The following TTLL11 variants were observed in gnomAD, a reference collection of about 807,000 sequenced individuals.
The protein encoded by TTLL11 is tubulin tyrosine ligase like 11, also known as tubulin polyglutamylase TTLL11.
Under a neutral mutation model 51.7 loss-of-function variants are expected in TTLL11, and 42 were observed. That is an observed-to-expected ratio of 0.81 (90% CI 0.64 to 1.05). The LOEUF is 1.05. TTLL11 is among the 50% of genes least tolerant of loss of function. The probability of loss-of-function intolerance (pLI) is 0.00; values close to 1 mark genes in which losing one functional copy is unlikely to be tolerated. For missense variants in TTLL11, 799 were observed against 940.4 expected, an observed-to-expected ratio of 0.85 and a Z score of 1.97; for synonymous variants, 381 against 383.5, an observed-to-expected ratio of 0.99 and a Z score of 0.08.
chr9:122,012,446 A>C (rs905688976), intron 3 of TTLL11, among the ~76,000 whole-genome samples: 3 of 152,102 alleles, frequency 2.0e-5, no homozygotes, highest in Admixed American at 2.0e-4. Flanking sequence ...GAGAGAAAAA[A>C]AAAAGCATAT....
chr9:122,023,037 C>T (rs1279931643), intron 3 of TTLL11, among the ~76,000 whole-genome samples: 1 of 151,254 alleles, frequency 6.6e-6, no homozygotes, highest in Non-Finnish European at 1.5e-5. Context: ...CAAAGGAAAT[C>T]AATAAAACTG....
intron 6 of TTLL11, among the ~76,000 whole-genome samples, chr9:121,932,589 T>C (rs546416179): frequency 9.2e-5 from 14 of 152,346 alleles, no homozygotes; most frequent in Non-Finnish European, 1.3e-4. Flanking sequence ...GCTGACAGCA[T>C]GGAGAGCCCA....
chr9:121,855,027 A>C (rs1039519814), intron 8 of TTLL11, among the ~76,000 whole-genome samples: 1 of 152,198 alleles, frequency 6.6e-6, no homozygotes, highest in Non-Finnish European at 1.5e-5. Flanking sequence ...ATTCTGACAG[A>C]GGTGAAGGCA....
At chr9:122,066,592 A>G (rs1297551348) in intron 1 of TTLL11, among the ~76,000 whole-genome samples, 1 of 152,186 alleles carries the variant, frequency 6.6e-6, no homozygotes, top group African/African-American at 2.4e-5. Flanking sequence ...CATAACAGAC[A>G]TGACTCCCTT....
chr9:122,032,227 G>A (rs1029073772), intron 2 of TTLL11, among the ~76,000 whole-genome samples: 1 of 152,184 alleles, frequency 6.6e-6, no homozygotes, highest in East Asian at 1.9e-4. Flanking sequence ...CACCTTACGT[G>A]CTTCTGGGAT....
At chr9:121,927,711 G>A (rs910709084) in intron 6 of TTLL11, among the ~76,000 whole-genome samples, 2 of 151,374 alleles carry the variant, frequency 1.3e-5, no homozygotes, top group African/African-American at 4.9e-5. Flanking sequence ...TGGTGACAGA[G>A]GACTAGGAGT....
At chr9:121,888,897 A>G (rs536536996) in intron 6 of TTLL11, among the ~76,000 whole-genome samples, 2 of 152,362 alleles carry the variant, frequency 1.3e-5, no homozygotes, top group Non-Finnish European at 2.9e-5. Flanking sequence ...CAGCCCTGCC[A>G]GGCAGGAACT....
At chr9:122,068,807 A>C (rs963644265) in intron 1 of TTLL11, among the ~76,000 whole-genome samples, 1 of 152,204 alleles carries the variant, frequency 6.6e-6, no homozygotes, top group Non-Finnish European at 1.5e-5. Flanking sequence ...GGGTGTGACC[A>C]GGTGCCTGAG....
chr9:122,017,530 T>C (rs2131770101), intron 3 of TTLL11, among the ~76,000 whole-genome samples: 1 of 151,306 alleles, frequency 6.6e-6, no homozygotes, highest in South Asian at 2.1e-4. Flanking sequence ...AGGTGCGATC[T>C]TGGCTCACTG....
At chr9:121,926,739 C>G (rs1840749846) in intron 6 of TTLL11, among the ~76,000 whole-genome samples, 1 of 152,240 alleles carries the variant, frequency 6.6e-6, no homozygotes, top group African/African-American at 2.4e-5. Flanking sequence ...CGAGCCAGGC[C>G]TGGCTTTGGA....
At chr9:121,982,841 G>A (rs1440146646) in intron 4 of TTLL11, among the ~76,000 whole-genome samples, 1 of 152,162 alleles carries the variant, frequency 6.6e-6, no homozygotes, top group African/African-American at 2.4e-5. Flanking sequence ...GAAACGGAGA[G>A]TGGCGGAAGA....
rs911534907 is a variant in TTLL11 at position 121,883,936 on chromosome 9, G to A, written c.1482-13188C>T. On this transcript the variant is annotated intron_variant, in intron 6 of 8. Transcript: ENST00000321582. Reference sequence around the variant, plus strand: ...CCACTTCCTGGCTGACTGACCTTGGGGAAGGTACTTAACCTTACTGAGCAT... The same window carrying A: ...CCACTTCCTGGCTGACTGACCTTGGAGAAGGTACTTAACCTTACTGAGCAT... Among the ~76,000 whole-genome samples, 10 of 152,296 alleles carry A rather than the reference G, an allele frequency of 6.6e-5. No homozygotes were observed. In the East Asian group the frequency reaches 1.9e-3, roughly 29 times the overall value.
At chr9:121,948,136 T>C (rs1383152735) in intron 6 of TTLL11, among the ~76,000 whole-genome samples, 1 of 152,172 alleles carries the variant, frequency 6.6e-6, no homozygotes, top group Non-Finnish European at 1.5e-5. Context: ...TTAATAACCC[T>C]GTGAAGTGGC....
intron 3 of TTLL11, among the ~76,000 whole-genome samples, chr9:121,992,276 G>T (rs1292106910): frequency 1.3e-5 from 2 of 152,160 alleles, no homozygotes; most frequent in African/African-American, 4.8e-5. Flanking sequence ...ACCCTAAAAA[G>T]AGAAACATTT....
chr9:121,870,385 G>T, intron 7 of TTLL11, 112 bp downstream of exon 7: 1 of 1,382,812 alleles, frequency 7.2e-7, no homozygotes, highest in East Asian at 2.5e-5. Flanking sequence ...ATGGGGTACT[G>T]ACCCAGCACC....
intron 2 of TTLL11, 21 bp downstream of exon 2, chr9:122,039,251 G>A: frequency 6.2e-7 from 1 of 1,601,400 alleles, no homozygotes; most frequent in Non-Finnish European, 8.6e-7. Flanking sequence ...ATGTTTAAAT[G>A]TCAACAATAA....
At chr9:122,045,144 A>G (rs1844967473) in intron 1 of TTLL11, among the ~76,000 whole-genome samples, 1 of 152,080 alleles carries the variant, frequency 6.6e-6, no homozygotes, top group Non-Finnish European at 1.5e-5. Flanking sequence ...GTTGACAAGT[A>G]TATAGAGAAA....
chr9:122,040,492 G>A, intron 1 of TTLL11: 4 of 840,332 alleles, frequency 4.8e-6, no homozygotes, highest in Non-Finnish European at 5.7e-6. Flanking sequence ...TGTTAAAGGA[G>A]AAAAGAGAGG....
chr9:122,044,173 A>G (rs1844932160), intron 1 of TTLL11, among the ~76,000 whole-genome samples: 1 of 152,196 alleles, frequency 6.6e-6, no homozygotes, highest in Admixed American at 6.5e-5. Context: ...CCATGTCCCT[A>G]TAAAGGACAT....
Sources: allele counts gnomAD v4.1 joint callset (sites outside exome capture counted in the v4.1 genomes callset), GRCh38; gene constraint gnomAD v4.1.1; transcripts MANE v1.5; gene names NCBI Gene and HGNC (gene_info 2026-07-23, HGNC 2026-07-21).